The following CLIC5 variants were observed in gnomAD, a reference collection of about 807,000 sequenced individuals.
CLIC5 encodes chloride intracellular channel protein 5.
Under a neutral mutation model 24.7 loss-of-function variants are expected in CLIC5, and 20 were observed. The observed-to-expected ratio is 0.81, with a 90% CI of 0.57 to 1.18. The LOEUF is 1.18. CLIC5 is among the 50% of genes most tolerant of loss of function. CLIC5 has a pLI of 0.00. For missense variants in CLIC5, 341 were observed against 326.1 expected (o/e 1.05, Z -0.35); for synonymous variants, 159 against 135.6 (o/e 1.17, Z -1.20).
chr6:45,880,835 G>A (rs1463371808), downstream of CLIC5: 17 of 288,038 alleles, frequency 5.9e-5, 1 homozygote, highest in Non-Finnish European at 1.3e-5. Flanking sequence ...TCTGAGAGAG[G>A]CAGAGTTAGT....
intron 1 of CLIC5, among the ~76,000 whole-genome samples, chr6:46,001,326 G>T (rs1247402646): frequency 6.6e-6 from 1 of 152,150 alleles, no homozygotes; most frequent in Non-Finnish European, 1.5e-5. Flanking sequence ...GTCTACGGGG[G>T]AGAGAGGGGA....
At chr6:46,055,580 A>G (rs576745971) in intron 1 of CLIC5, among the ~76,000 whole-genome samples, 3 of 152,326 alleles carry the variant, frequency 2.0e-5, no homozygotes, top group African/African-American at 7.2e-5. Context: ...TTGATTTAAT[A>G]ATAGTTACTT....
At chr6:45,882,528 G>A in intron 6 of CLIC5, among the ~76,000 whole-genome samples, 1 of 152,160 alleles carries the variant, frequency 6.6e-6, no homozygotes, top group East Asian at 1.9e-4. Context: ...CTGAGGCTTT[G>A]GACAATTTTG....
At chr6:46,070,430 C>G (rs1353653155) in intron 1 of CLIC5, among the ~76,000 whole-genome samples, 5 of 152,100 alleles carry the variant, frequency 3.3e-5, no homozygotes, top group Non-Finnish European at 7.4e-5. Context: ...ACACCAACAA[C>G]AGTCAAGCTG....
intron 6 of CLIC5, among the ~76,000 whole-genome samples, chr6:45,882,307 A>G (rs533198557): frequency 6.6e-6 from 1 of 152,340 alleles, no homozygotes; most frequent in East Asian, 1.9e-4. Context: ...CTTCAATCCA[A>G]AACAAACATG....
rs530567096 is a variant in CLIC5 at position 46,057,760 on chromosome 6, A to T, written c.540+21943T>A. On this transcript the variant is annotated intron_variant, in intron 1 of 5. Transcript: ENST00000185206. ...CCCTACAAACTAGCCAGGTGCCCTC[A>T]TATGTGGTACAACCTACACAATTAG... Among the ~76,000 whole-genome samples the T allele has an allele frequency of 3.4e-4, 52 of 152,314 alleles. 1 individual carries two copies. In the South Asian group the frequency reaches 5.8e-3, roughly 17 times the overall value.
upstream of CLIC5, among the ~76,000 whole-genome samples, chr6:46,083,571 G>A (rs1310305901): frequency 6.6e-6 from 1 of 152,094 alleles, no homozygotes; most frequent in Non-Finnish European, 1.5e-5. Flanking sequence ...CAGTTTCCAT[G>A]TAGTTGAGCA....
intron 4 of CLIC5, among the ~76,000 whole-genome samples, chr6:45,917,562 C>T (rs1763079319): frequency 1.3e-5 from 2 of 152,214 alleles, no homozygotes. Context: ...GTTCCTTATA[C>T]TCCCTTGGGA....
At chr6:46,094,699 G>T in the CLIC5 span, among the ~76,000 whole-genome samples, 1 of 152,190 alleles carries the variant, frequency 6.6e-6, no homozygotes. Context: ...CAGCTGCTCT[G>T]ATGGGCTGTC....
chr6:45,999,620 C>T (rs1766276387), intron 1 of CLIC5, among the ~76,000 whole-genome samples: 3 of 152,060 alleles, frequency 2.0e-5, no homozygotes, highest in Admixed American at 2.0e-4. Context: ...AACCCCTCCT[C>T]TTCCTCCTCC....
the CLIC5 span, among the ~76,000 whole-genome samples, chr6:46,127,911 GC>G: frequency 6.6e-6 from 1 of 152,182 alleles, no homozygotes; most frequent in Admixed American, 6.5e-5. Flanking sequence ...TCCTGTTGCT[GC>G]TGGTAGTTAT....
chr6:46,025,877 TTC>T (rs1286301075), intron 1 of CLIC5, among the ~76,000 whole-genome samples: 1 of 152,050 alleles, frequency 6.6e-6, no homozygotes, highest in African/African-American at 2.4e-5. Context: ...TCCCCCTTTG[TTC>T]TCTCTCTCTC....
upstream of CLIC5, chr6:46,018,795 T>C (rs1767091012): frequency 6.6e-6 from 1 of 152,228 alleles, no homozygotes; most frequent in African/African-American, 2.4e-5. Flanking sequence ...ACAGAGAAGA[T>C]TGGCATGGCT....
chr6:45,892,840 G>A, intron 6 of CLIC5, among the ~76,000 whole-genome samples: 1 of 152,144 alleles, frequency 6.6e-6, no homozygotes, highest in East Asian at 1.9e-4. Flanking sequence ...GCAGCTCTAG[G>A]TCAAGTGGTC....
chr6:45,920,452 TTGATA>T, intron 4 of CLIC5: 1 of 399,840 alleles, frequency 2.5e-6, no homozygotes, highest in Non-Finnish European at 3.4e-6. Context: ...TGAGATCATG[TTGATA>T]TAACCAAAGG....
chr6:46,061,585 T>C (rs561574613), intron 1 of CLIC5, among the ~76,000 whole-genome samples: 46 of 152,318 alleles, frequency 3.0e-4, no homozygotes, highest in Middle Eastern at 3.4e-3. Flanking sequence ...CCTTAGAGAC[T>C]AGAGGGGCAA....
At chr6:45,995,671 A>G (rs2127427697) in intron 1 of CLIC5, among the ~76,000 whole-genome samples, 1 of 152,342 alleles carries the variant, frequency 6.6e-6, no homozygotes. Flanking sequence ...AATTAATATC[A>G]TAGGATCTAT....
At chr6:45,997,644 A>C (rs1229030939) in intron 1 of CLIC5, among the ~76,000 whole-genome samples, 1 of 152,242 alleles carries the variant, frequency 6.6e-6, no homozygotes, top group Non-Finnish European at 1.5e-5. Flanking sequence ...TAACAAAATC[A>C]GTTAAAAATA....
At chr6:45,959,104 C>G (rs182319957) in intron 1 of CLIC5, among the ~76,000 whole-genome samples, 3 of 152,268 alleles carry the variant, frequency 2.0e-5, no homozygotes, top group East Asian at 1.9e-4. Flanking sequence ...TAAGTTACCT[C>G]CTCTTGGCCT....
Sources: allele counts gnomAD v4.1 joint callset (sites outside exome capture counted in the v4.1 genomes callset), GRCh38; gene constraint gnomAD v4.1.1; transcripts MANE v1.5; gene names NCBI Gene and HGNC (gene_info 2026-07-23, HGNC 2026-07-21).